The following SASH1 variants were observed in gnomAD, a reference collection of about 807,000 sequenced individuals.
The protein encoded by SASH1 is SAM and SH3 domain containing 1.
A neutral mutation model predicts 125.2 loss-of-function variants in SASH1; 44 were observed. That is an observed-to-expected ratio of 0.35 (90% CI 0.28 to 0.45). The LOEUF is 0.45. Ranked by LOEUF, SASH1 falls within the 20% of genes least tolerant of loss-of-function variation. The pLI is 1.00. For synonymous variants in SASH1, 639 were observed against 649.1 expected, an observed-to-expected ratio of 0.98 and a Z score of 0.24; for missense variants, 1,426 against 1,614.5, an observed-to-expected ratio of 0.88 and a Z score of 2.00.
At chr6:148,435,314 G>T (rs1319975385) in intron 2 of SASH1, among the ~76,000 whole-genome samples, 2 of 150,560 alleles carry the variant, frequency 1.3e-5, no homozygotes, top group African/African-American at 4.9e-5. Context: ...GGAGGTGGAG[G>T]TTGCAGTAAG....
At chr6:148,446,103 T>TTTTTTTTTTTTTTTTTTTC (rs1776763773) in intron 4 of SASH1, among the ~76,000 whole-genome samples, 15 of 20,674 alleles carry the variant, frequency 7.3e-4, no homozygotes, top group Non-Finnish European at 9.8e-4. Flanking sequence ...TTTTTTTTTT[T>TTTTTTTTTTTTTTTTTTTC]TTTTTTTTTT....
rs568060730 is a variant in SASH1, at chr6:148,327,000, T to G, written n.74+54623T>G. ...AAATCTTTCCTTTTACTTCCCCTAC[T>G]GGCTGGTGAATCTTGTGCTCCTCAA... On this transcript the variant is annotated intron_variant and non_coding_transcript_variant, in intron 1 of 3. Transcript: ENST00000367469. Among the ~76,000 whole-genome samples, 3 of 152,300 alleles carry G rather than the reference T, an allele frequency of 2.0e-5. No homozygotes were observed. The East Asian group carries it at 5.8e-4, about 29-fold the overall frequency.
intron 4 of SASH1, among the ~76,000 whole-genome samples, chr6:148,443,672 A>G (rs546672333): frequency 1.3e-5 from 2 of 151,892 alleles, no homozygotes; most frequent in Admixed American, 6.6e-5. Flanking sequence ...ATTGATGATT[A>G]TTTTGTATAA....
intron 8 of SASH1, among the ~76,000 whole-genome samples, chr6:148,494,799 GTGTCC>G: frequency 6.6e-6 from 1 of 152,180 alleles, no homozygotes; most frequent in Non-Finnish European, 1.5e-5. Flanking sequence ...TGGTTGAACT[GTGTCC>G]AAAACTTTGG....
At chr6:148,249,325 CGT>C in the SASH1 span, among the ~76,000 whole-genome samples, 84 of 128,976 alleles carry the variant, frequency 6.5e-4, no homozygotes, top group Admixed American at 2.4e-3. Flanking sequence ...TGCATGTGCA[CGT>C]GTGTGTGTGT....
intron 1 of SASH1, among the ~76,000 whole-genome samples, chr6:148,356,494 C>CTT (rs57183555): frequency 8.6e-5 from 10 of 116,282 alleles, no homozygotes; most frequent in African/African-American, 2.3e-4. Context: ...ACTTTTAGTT[C>CTT]TTTTTTTTTT....
At chr6:148,300,216 T>C (rs547527013) in intron 1 of SASH1, among the ~76,000 whole-genome samples, 2 of 152,302 alleles carry the variant, frequency 1.3e-5, no homozygotes, top group South Asian at 2.1e-4. Flanking sequence ...ATTCACAAGA[T>C]GATTTTATGC....
chr6:148,395,048 T>C (rs1358937032), intron 2 of SASH1, among the ~76,000 whole-genome samples: 1 of 152,220 alleles, frequency 6.6e-6, no homozygotes, highest in Non-Finnish European at 1.5e-5. Context: ...CAGTAACATA[T>C]TAGAAGCCTC....
chr6:148,240,367 T>C, the SASH1 span, among the ~76,000 whole-genome samples: 4 of 152,182 alleles, frequency 2.6e-5, no homozygotes, highest in Admixed American at 6.5e-5. Flanking sequence ...ATGAATATAA[T>C]CATCTTCCAA....
chr6:148,437,207 A>G lies in SASH1; in HGVS notation c.286-2977A>G, dbSNP rs187958295. On this transcript the variant is annotated intron_variant, in intron 2 of 19. Transcript: ENST00000367467. ...CGGAATTTTGCCAATAGTTTATTCC[A>G]TTTTTCTTTCTCCAATCATTTATAG... is the stretch of plus-strand genomic sequence containing the variant. Among the ~76,000 whole-genome samples the G allele has an allele frequency of 2.9e-3, 434 of 152,228 alleles. 3 individuals carry two copies. Among genetic ancestry groups the G allele is most frequent in the African/African-American group, 0.01 (419 of 41,556 alleles).
At chr6:148,198,001 C>T in the SASH1 span, among the ~76,000 whole-genome samples, 1 of 152,192 alleles carries the variant, frequency 6.6e-6, no homozygotes, top group South Asian at 2.1e-4. Flanking sequence ...AGCTGCCCAA[C>T]ACCACGCCTG....
chr6:148,207,954 C>T, the SASH1 span, among the ~76,000 whole-genome samples: 2 of 152,186 alleles, frequency 1.3e-5, no homozygotes, highest in Non-Finnish European at 2.9e-5. Flanking sequence ...TCTCATCAGT[C>T]CAGTGAGGCC....
chr6:148,279,117 A>G (rs534583521), intron 1 of SASH1, among the ~76,000 whole-genome samples: 43 of 152,054 alleles, frequency 2.8e-4, no homozygotes, highest in Non-Finnish European at 4.7e-4. Context: ...TCAGCCTCCC[A>G]AGTAGCTGGG....
At position 148,309,005 on chromosome 6, in the gene SASH1, A is replaced by T. The variant is rs138962816; in HGVS notation, n.74+36628A>T. Among the ~76,000 whole-genome samples the T allele has an allele frequency of 2.1e-5, 3 of 140,520 alleles. No homozygotes were observed. The East Asian group carries it at 6.4e-4, about 30-fold the overall frequency. 92.2% of individuals were successfully genotyped at this position (140,520 alleles called of 152,430 possible). A position where few individuals can be genotyped will look rare whatever the true frequency, so the allele number is the denominator to read the frequency against. On this transcript the variant is annotated intron_variant and non_coding_transcript_variant, in intron 1 of 3. Coordinates refer to the SASH1 transcript ENST00000367469. ...AGGCTGAGGCAGGAGACTCGCTTGA[A>T]CTCCGGAGGTGGAGGTTGCAGTGAG...
the SASH1 span, among the ~76,000 whole-genome samples, chr6:148,260,548 A>C: frequency 6.6e-6 from 1 of 151,740 alleles, no homozygotes; most frequent in Non-Finnish European, 1.5e-5. Flanking sequence ...TGAGACTGCA[A>C]TAAGCTATGA....
chr6:148,327,863 C>G (rs1275883891), intron 1 of SASH1, among the ~76,000 whole-genome samples: 1 of 150,262 alleles, frequency 6.7e-6, no homozygotes, highest in Non-Finnish European at 1.5e-5. Context: ...ATCACTTGAA[C>G]CCAGGAGGTG....
intron 1 of SASH1, among the ~76,000 whole-genome samples, chr6:148,389,898 G>A (rs545840724): frequency 1.3e-3 from 197 of 152,276 alleles, no homozygotes; most frequent in African/African-American, 4.5e-3. Context: ...GTGGGCAGTC[G>A]CTCAACTTCT....
At chr6:148,469,823 C>T (rs370867505) in intron 5 of SASH1, among the ~76,000 whole-genome samples, 5 of 151,970 alleles carry the variant, frequency 3.3e-5, no homozygotes, top group Non-Finnish European at 2.9e-5. Context: ...ATCAGGAGTT[C>T]GAGACCAGCC....
chr6:148,509,049 TG>T (rs1368346028), intron 8 of SASH1, among the ~76,000 whole-genome samples: 6 of 152,134 alleles, frequency 3.9e-5, no homozygotes, highest in Non-Finnish European at 8.8e-5. Context: ...TGAGCATTTT[TG>T]CCTGGCATTT....
Sources: allele counts gnomAD v4.1 joint callset (sites outside exome capture counted in the v4.1 genomes callset), GRCh38; gene constraint gnomAD v4.1.1; transcripts MANE v1.5; gene names NCBI Gene and HGNC (gene_info 2026-07-23, HGNC 2026-07-21).